Variants in CRTAC1 observed in about 807,000 individuals in gnomAD.
CRTAC1 encodes the protein cartilage acidic protein 1.
A neutral mutation model predicts 67.8 loss-of-function variants in CRTAC1; 37 were observed. The ratio of observed to expected loss-of-function variants is 0.55; its 90% CI spans 0.42 to 0.72. The LOEUF is 0.72. Among genes scored for constraint, CRTAC1 ranks in the 30% least tolerant of loss-of-function variants. The pLI is 0.00. For synonymous variants in CRTAC1, 348 were observed against 371.0 expected (o/e 0.94, Z 0.71); for missense variants, 780 against 931.6 (o/e 0.84, Z 2.12).
chr10:97,904,808 T>G lies in CRTAC1; in HGVS notation c.857A>C (p.Asp286Ala). The change falls in exon 7 of 15, where the codon GAC (aspartate) becomes GCC (alanine). Residue 286 changes from aspartate to alanine, a missense_variant. Asp to Ala is a moderately radical substitution (Grantham distance 126). Transcript: ENST00000370597. Reference protein sequence around the residue: ...FVDAAASAGVDDPHQHGRGVA... With the variant: ...FVDAAASAGVADPHQHGRGVA... ...ACCTCGCCCATGCTGGTGGGGGTCG[T>G]CCACACCTGGGGAGGAGAGGCAGGA... The G allele has an allele frequency of 6.3e-7, 1 of 1,595,924 alleles. No individual in the cohort carries two copies. Among genetic ancestry groups the G allele is most frequent in the South Asian group, 1.1e-5 (1 of 88,408 alleles).
At chr10:97,964,700 C>A (rs911848402) in intron 2 of CRTAC1, among the ~76,000 whole-genome samples, 1 of 152,102 alleles carries the variant, frequency 6.6e-6, no homozygotes, top group Non-Finnish European at 1.5e-5. Context: ...CTTATTAGGC[C>A]GTATAAAGGG....
At chr10:98,022,610 G>A (rs750396020) in intron 1 of CRTAC1, among the ~76,000 whole-genome samples, 1 of 151,950 alleles carries the variant, frequency 6.6e-6, no homozygotes, top group Non-Finnish European at 1.5e-5. Context: ...CTGGGATATG[G>A]GGTGGAGGGG....
intron 2 of CRTAC1, among the ~76,000 whole-genome samples, chr10:98,006,057 C>T (rs1842783296): frequency 6.6e-6 from 1 of 152,196 alleles, no homozygotes; most frequent in Non-Finnish European, 1.5e-5. Flanking sequence ...ACAACCACTA[C>T]AGTCTTTCCA....
At chr10:98,018,469 A>G (rs2439823) in intron 1 of CRTAC1, among the ~76,000 whole-genome samples, 82,517 of 151,904 alleles carry the variant, frequency 0.54, 23,441 homozygotes, top group African/African-American at 0.68. Flanking sequence ...CTTCTTTGAC[A>G]TAGAGAGCTG....
chr10:97,901,081 ACCCC>A (rs2050532733), intron 8 of CRTAC1, among the ~76,000 whole-genome samples: 2 of 122,830 alleles, frequency 1.6e-5, no homozygotes, highest in African/African-American at 7.3e-5. Flanking sequence ...TAGTGATTGG[ACCCC>A]GTAGCCCCTT....
At chr10:97,984,730 G>A (rs1333583999) in intron 2 of CRTAC1, among the ~76,000 whole-genome samples, 1 of 152,184 alleles carries the variant, frequency 6.6e-6, no homozygotes, top group African/African-American at 2.4e-5. Context: ...AAGACAACTT[G>A]TTTGGGCACG....
Position 97,940,077 on chromosome 10 carries a change from A to G in CRTAC1, c.225-3711T>C, listed in dbSNP as rs539669971. On this transcript the variant is annotated intron_variant, in intron 2 of 14. Coordinates refer to ENST00000370597, the MANE Select transcript of CRTAC1 (RefSeq NM_018058.7). ...GAATGAGTGAATCAGTGGATGAATG[A>G]ATGAATAAATAAAAATAATCATGGG... 4.6e-5 allele frequency among the ~76,000 whole-genome samples: 7 copies of G among 152,334 alleles called. 1 individual carries two copies. In the South Asian group the frequency reaches 1.2e-3, roughly 27 times the overall value.
In CRTAC1 at chr10:97,936,275, C is replaced by T. The variant is rs373190208; in HGVS notation, c.316G>A (p.Ala106Thr). 248 of 1,614,050 alleles carry T rather than the reference C, an allele frequency of 1.5e-4. No homozygotes were observed. The highest frequency in any genetic ancestry group is 2.6e-4 in the South Asian group (24 of 91,078). Residue 106 changes from alanine (A) to threonine (T), a missense_variant, in exon 3 of 15, where the codon GCG becomes ACG. By Grantham distance (58) the Ala-to-Thr change is moderately conservative (BLOSUM62 0). Transcript: ENST00000370597. ...AVDERSSPYY[A>T]LRDRQGNAIG... ...GCGTTCCCCTGCCGGTCCCGCAGCG[C>T]GTAGTAGGGTGAGCTGCGCTCATCG...
intron 8 of CRTAC1, among the ~76,000 whole-genome samples, chr10:97,898,649 C>T (rs1019681448): frequency 2.6e-5 from 4 of 152,074 alleles, no homozygotes; most frequent in African/African-American, 9.7e-5. Context: ...AGAAGGTTTT[C>T]GGTGGGAAAG....
In CRTAC1 at chr10:97,935,711, G is replaced by T. The variant is rs1035692451; in HGVS notation, c.421+459C>A. On this transcript the variant is annotated intron_variant, in intron 3 of 14. Transcript: ENST00000370597. ...ACAAGTGAGCTCAGCTGAGAGTAGT[G>T]GGGGGCTCCTGAAGGATTTCAGAAC... Among the ~76,000 whole-genome samples, 10 of 152,176 alleles carry T rather than the reference G, an allele frequency of 6.6e-5. 1 individual carries two copies. The South Asian group carries it at 2.1e-3, about 32-fold the overall frequency.
intron 3 of CRTAC1, among the ~76,000 whole-genome samples, chr10:97,930,173 A>G (rs2050983051): frequency 6.6e-6 from 1 of 152,212 alleles, no homozygotes; most frequent in Non-Finnish European, 1.5e-5. Flanking sequence ...AAGGTTGCAC[A>G]GCTGTTGTGA....
intron 2 of CRTAC1, among the ~76,000 whole-genome samples, chr10:97,968,572 A>G (rs565557243): frequency 7.2e-5 from 11 of 152,292 alleles, no homozygotes; most frequent in Admixed American, 2.6e-4. Context: ...GCAGCCCAGG[A>G]TCTAGTCGGG....
Position 97,942,713 on chromosome 10 carries a change from G to A in CRTAC1, c.225-6347C>T, listed in dbSNP as rs146508066. ...GAAAGATACAGAAAATATGCTATCTGTTTGAAAATTAAGAACAGAGAAATT... is the reference window on the plus strand; with the variant it reads ...GAAAGATACAGAAAATATGCTATCTATTTGAAAATTAAGAACAGAGAAATT... On this transcript the variant is annotated intron_variant, in intron 2 of 14. Coordinates refer to ENST00000370597, the MANE Select transcript of CRTAC1 (RefSeq NM_018058.7). Among the ~76,000 whole-genome samples, 617 of 150,580 alleles carry A rather than the reference G, an allele frequency of 4.1e-3. 2 individuals carry two copies. The highest frequency in any genetic ancestry group is 0.014 in the African/African-American group (557 of 41,058).
intron 1 of CRTAC1, among the ~76,000 whole-genome samples, chr10:98,014,017 C>T (rs1197604635): frequency 6.6e-6 from 1 of 152,226 alleles, no homozygotes; most frequent in African/African-American, 2.4e-5. Context: ...CCGGGCTTCT[C>T]AGTACCAGTT....
Position 97,896,894 on chromosome 10 carries a change from C to T in CRTAC1, c.1216+15G>A, listed in dbSNP as rs2050467739. 2 of 1,539,004 alleles carry T rather than the reference C, an allele frequency of 1.3e-6. No homozygotes were observed. The highest frequency in any genetic ancestry group is 1.4e-5 in the African/African-American group (1 of 73,132). On this transcript the variant is annotated intron_variant, in intron 9 of 14. Transcript: ENST00000370597. ...AAGGGGGCAGTGCAGGCCAGATCCCCCAGGTGCCCCTCACCTGTGCCCCGG... is the reference window on the plus strand; with the variant it reads ...AAGGGGGCAGTGCAGGCCAGATCCCTCAGGTGCCCCTCACCTGTGCCCCGG...
At chr10:98,027,798 T>C (rs1843268400) in intron 1 of CRTAC1, among the ~76,000 whole-genome samples, 2 of 152,228 alleles carry the variant, frequency 1.3e-5, no homozygotes, top group South Asian at 4.1e-4. Flanking sequence ...TCAATAACTA[T>C]GAGTGCCTAC....
intron 2 of CRTAC1, among the ~76,000 whole-genome samples, chr10:97,962,645 GTTCT>G (rs1240780122): frequency 6.6e-6 from 1 of 152,148 alleles, no homozygotes; most frequent in Non-Finnish European, 1.5e-5. Context: ...GTGCCATGAG[GTTCT>G]TATAGGTGGG....
At chr10:98,009,418 A>G (rs754675982) in intron 2 of CRTAC1, among the ~76,000 whole-genome samples, 5 of 152,192 alleles carry the variant, frequency 3.3e-5, no homozygotes, top group Non-Finnish European at 5.9e-5. Context: ...TTTGCAGTGT[A>G]GAAGAAATGA....
At chr10:97,953,618 G>A (rs1052517457) in intron 2 of CRTAC1, among the ~76,000 whole-genome samples, 1 of 152,106 alleles carries the variant, frequency 6.6e-6, no homozygotes, top group Non-Finnish European at 1.5e-5. Flanking sequence ...GTTGCATAGC[G>A]CATTGATGGC....
Sources: gnomAD v4.1 joint callset for allele counts (sites outside exome capture counted in the v4.1 genomes callset) on GRCh38, gnomAD v4.1.1 for gene constraint, MANE v1.5 for transcripts, NCBI Gene and HGNC (gene_info 2026-07-23, HGNC 2026-07-21) for gene names.